SLC4A5: variants seen among roughly 807,000 people sequenced by gnomAD.
SLC4A5 encodes solute carrier family 4 member 5.
In SLC4A5, 96 loss-of-function variants were observed where a neutral mutation model predicts 120.4. The ratio of observed to expected loss-of-function variants is 0.80; its 90% CI spans 0.68 to 0.94. SLC4A5 has a LOEUF of 0.94. Among genes scored for constraint, SLC4A5 ranks in the 40% least tolerant of loss-of-function variants. The probability of loss-of-function intolerance (pLI) is 0.00; values close to 1 mark genes in which losing one functional copy is unlikely to be tolerated. For synonymous variants in SLC4A5, 550 were observed against 571.1 expected (o/e 0.96, Z 0.53); for missense variants, 1,259 against 1,459.5 (o/e 0.86, Z 2.24).
Position 74,342,901 on chromosome 2 carries a change from T to C in SLC4A5, c.-346-367A>G, listed in dbSNP as rs147903530. Among the ~76,000 whole-genome samples, 534 of 152,248 alleles carry C rather than the reference T, an allele frequency of 3.5e-3. 4 individuals carry two copies. Among genetic ancestry groups the C allele is most frequent in the Middle Eastern group, 0.01 (3 of 294 alleles). Reference sequence around the variant, plus strand: ...GAGGAGACACCATAGGTAACCCTTATTGAACTGGAAGAAGTGTGAAGTACT... The same window carrying C: ...GAGGAGACACCATAGGTAACCCTTACTGAACTGGAAGAAGTGTGAAGTACT... On this transcript the variant is annotated intron_variant, in intron 1 of 30. Transcript: ENST00000394019.
chr2:74,330,310 G>A (rs1316362154), intron 4 of SLC4A5, among the ~76,000 whole-genome samples: 4 of 150,204 alleles, frequency 2.7e-5, no homozygotes, highest in Non-Finnish European at 3.0e-5. Flanking sequence ...AGGTGGTGAG[G>A]TATAGGTGAG....
intron 6 of SLC4A5, among the ~76,000 whole-genome samples, chr2:74,310,752 G>C (rs1672780865): frequency 6.6e-6 from 1 of 152,130 alleles, no homozygotes; most frequent in Non-Finnish European, 1.5e-5. Flanking sequence ...GGACATTGGT[G>C]TGTAGTTTTT....
intron 6 of SLC4A5, among the ~76,000 whole-genome samples, chr2:74,305,991 C>A (rs539933453): frequency 1.3e-5 from 2 of 152,006 alleles, no homozygotes; most frequent in Admixed American, 1.3e-4. Context: ...CCCAAAGTGC[C>A]GGTATTATAG....
chr2:74,257,079 G>A (rs576003562), intron 12 of SLC4A5, among the ~76,000 whole-genome samples: 2 of 152,242 alleles, frequency 1.3e-5, no homozygotes, highest in East Asian at 3.9e-4. Flanking sequence ...GGAGGGGTCA[G>A]CTATGGGCAT....
intron 12 of SLC4A5, among the ~76,000 whole-genome samples, chr2:74,258,615 G>A (rs1176700803): frequency 6.6e-6 from 1 of 152,174 alleles, no homozygotes; most frequent in African/African-American, 2.4e-5. Context: ...TCAAAGTTCT[G>A]TCTTTCAGCT....
chr2:74,253,054 C>T (rs765220119), exon 15 of SLC4A5: 1 of 1,614,170 alleles, frequency 6.2e-7, no homozygotes, highest in Non-Finnish European at 8.5e-7. Flanking sequence ...GGACGATGAC[C>T]TCATCCAGAA....
At chr2:74,289,712 C>A (rs1226283245) in intron 7 of SLC4A5, among the ~76,000 whole-genome samples, 1 of 152,076 alleles carries the variant, frequency 6.6e-6, no homozygotes, top group Non-Finnish European at 1.5e-5. Context: ...AGACAAAAAA[C>A]CAACAATTGA....
At chr2:74,314,789 G>A (rs1328565404) in intron 6 of SLC4A5, among the ~76,000 whole-genome samples, 156 bp downstream of exon 6, 1 of 152,166 alleles carries the variant, frequency 6.6e-6, no homozygotes, top group East Asian at 1.9e-4. Context: ...GGGATACCAT[G>A]AAGGCTGGTC....
chr2:74,274,943 C>T (rs945254178), intron 8 of SLC4A5, among the ~76,000 whole-genome samples: 8 of 152,212 alleles, frequency 5.3e-5, no homozygotes, highest in Non-Finnish European at 1.0e-4. Flanking sequence ...TTCATCTCTA[C>T]TCATGAGATA....
intron 5 of SLC4A5, among the ~76,000 whole-genome samples, chr2:74,315,398 C>T (rs140046409): frequency 0.024 from 3,524 of 148,846 alleles, 71 homozygotes; most frequent in Middle Eastern, 0.15. Context: ...TGAGATTGCA[C>T]CACTGCATAC....
intron 3 of SLC4A5, among the ~76,000 whole-genome samples, chr2:74,336,326 C>G (rs1270063497): frequency 6.6e-6 from 1 of 152,118 alleles, no homozygotes; most frequent in African/African-American, 2.4e-5. Context: ...ACCTCAGCCT[C>G]CCAAAGTGCT....
chr2:74,283,697 C>T (rs910371202), intron 8 of SLC4A5, among the ~76,000 whole-genome samples: 2 of 152,144 alleles, frequency 1.3e-5, no homozygotes, highest in South Asian at 2.1e-4. Context: ...GACCTGGGCA[C>T]GGTTGAGTCT....
chr2:74,239,547 A>C lies in SLC4A5; in HGVS notation c.2119-12T>G, dbSNP rs369926609. On this transcript the variant is annotated splice_polypyrimidine_tract_variant and intron_variant, in intron 20 of 30. Coordinates refer to ENST00000394019, the Ensembl canonical transcript of SLC4A5. ...TTAAGGAGGTTGTACTTGGAGACCA[A>C]GCACAGGAGAGAATGGGTCAGCATC... 1 of 1,613,424 alleles carries C rather than the reference A, an allele frequency of 6.2e-7. No homozygotes were observed. The highest frequency in any genetic ancestry group is 1.3e-5 in the African/African-American group (1 of 74,900).
At chr2:74,276,620 A>G (rs559577974) in intron 8 of SLC4A5, among the ~76,000 whole-genome samples, 2 of 136,288 alleles carry the variant, frequency 1.5e-5, no homozygotes, top group Non-Finnish European at 3.1e-5. Flanking sequence ...TCTGGTTGGT[A>G]TTAGAGGCAG....
exon 10 of SLC4A5, chr2:74,264,208 G>C: frequency 6.2e-7 from 1 of 1,614,244 alleles, no homozygotes; most frequent in Non-Finnish European, 8.5e-7. Context: ...TCTTGGTTTG[G>C]TGGCGGTGCC....
chr2:74,313,056 T>C (rs948558982), intron 6 of SLC4A5, among the ~76,000 whole-genome samples: 1 of 151,314 alleles, frequency 6.6e-6, no homozygotes, highest in African/African-American at 2.4e-5. Context: ...GGTCTTTTTT[T>C]TTTTTTTTTT....
intron 8 of SLC4A5, among the ~76,000 whole-genome samples, chr2:74,278,679 G>C (rs548823586): frequency 6.6e-6 from 1 of 152,154 alleles, no homozygotes; most frequent in Non-Finnish European, 1.5e-5. Context: ...TCAAGTGTCA[G>C]TGTTGGACTA....
At chr2:74,268,804 C>T (rs1011093514) in intron 8 of SLC4A5, among the ~76,000 whole-genome samples, 5 of 152,220 alleles carry the variant, frequency 3.3e-5, no homozygotes, top group African/African-American at 9.7e-5. Context: ...AATTATCTCA[C>T]ATTTGCACTC....
intron 7 of SLC4A5, among the ~76,000 whole-genome samples, chr2:74,300,332 T>A (rs1380203505): frequency 6.6e-6 from 1 of 152,216 alleles, no homozygotes; most frequent in East Asian, 1.9e-4. Flanking sequence ...ATCTTAAGTG[T>A]TCTTACCATA....
Sources: gnomAD v4.1 joint callset for allele counts (sites outside exome capture counted in the v4.1 genomes callset) on GRCh38, gnomAD v4.1.1 for gene constraint, MANE v1.5 for transcripts, NCBI Gene and HGNC (gene_info 2026-07-23, HGNC 2026-07-21) for gene names.